The following DNAH17 variants were observed in gnomAD, a reference collection of about 807,000 sequenced individuals.
The protein encoded by DNAH17 is axonemal beta dynein heavy chain 17.
In DNAH17, 376 loss-of-function variants were observed where a neutral mutation model predicts 485.6. That is an observed-to-expected ratio of 0.77 (90% CI 0.71 to 0.84). DNAH17 has a LOEUF of 0.84. Among genes scored for constraint, DNAH17 ranks in the 40% least tolerant of loss-of-function variants. The probability of loss-of-function intolerance (pLI) is 0.00; values close to 1 mark genes in which losing one functional copy is unlikely to be tolerated. For synonymous variants in DNAH17, 3,031 were observed against 2,405.9 expected (o/e 1.26, Z -7.60); for missense variants, 6,370 against 5,839.3 (o/e 1.09, Z -2.96).
At chr17:78,549,535 C>G (rs966237811) in intron 16 of DNAH17, among the ~76,000 whole-genome samples, 2 of 152,218 alleles carry the variant, frequency 1.3e-5, no homozygotes, top group Non-Finnish European at 2.9e-5. Context: ...CCTTGGTGCC[C>G]AGAGACCCAA....
At chr17:78,521,026 G>C (rs958082587) in intron 25 of DNAH17, among the ~76,000 whole-genome samples, 2 of 152,150 alleles carry the variant, frequency 1.3e-5, no homozygotes, top group Non-Finnish European at 2.9e-5. Flanking sequence ...GGACAGACAC[G>C]AAGACCAATG....
chr17:78,505,549 T>C (rs1404932860), intron 30 of DNAH17, 104 bp from the exon 31 acceptor site: 2 of 1,415,472 alleles, frequency 1.4e-6, no homozygotes, highest in African/African-American at 2.8e-5. Context: ...CTTTTTGGAA[T>C]ATACTCCCCA....
chr17:78,516,257 T>A lies in DNAH17; in HGVS notation c.3865-1235A>T, dbSNP rs1317666289. The stretch of plus-strand genomic sequence containing the variant: ...GTTTTGGAGAGTTTTTCTTGAATTA[T>A]CCTGACTGCAAATGCTGTCATCTCC... On this transcript the variant is annotated intron_variant, in intron 25 of 80. Coordinates refer to ENST00000389840, the MANE Select transcript of DNAH17 (RefSeq NM_173628.4). Among the ~76,000 whole-genome samples the A allele has an allele frequency of 7.2e-5, 11 of 152,376 alleles. No individual in the cohort carries two copies. The East Asian group carries it at 2.1e-3, about 29-fold the overall frequency.
intron 18 of DNAH17, among the ~76,000 whole-genome samples, chr17:78,538,771 T>C (rs2091446060): frequency 6.6e-6 from 1 of 152,178 alleles, no homozygotes; most frequent in Non-Finnish European, 1.5e-5. Flanking sequence ...CTGTGACTGG[T>C]TACCAGCTGG....
At chr17:78,553,283 G>GTGTTTTTTTT (rs2091945217) in intron 14 of DNAH17, among the ~76,000 whole-genome samples, 2 of 51,018 alleles carry the variant, frequency 3.9e-5, no homozygotes, top group Admixed American at 2.7e-4. Context: ...AGGTTTTTGT[G>GTGTTTTTTTT]TTTTTTTTTT....
At chr17:78,524,249 T>C (rs1212605612) in intron 25 of DNAH17, among the ~76,000 whole-genome samples, 1 of 152,194 alleles carries the variant, frequency 6.6e-6, no homozygotes, top group African/African-American at 2.4e-5. Flanking sequence ...GCAATTCTTC[T>C]ACCTCAGCTT....
rs760905784 is a variant in DNAH17 at position 78,507,561 on chromosome 17, C to A, written c.4481G>T (p.Arg1494Leu). 2 of 1,613,930 alleles carry A rather than the reference C, an allele frequency of 1.2e-6. No homozygotes were observed. Among genetic ancestry groups the A allele is most frequent in the South Asian group, 1.1e-5 (1 of 91,088 alleles). ...GATGCTCTCCAGGTGGCTCCAGGTTCGCTGGACCTCAAACCAGATGGAGAT... is the reference window on the plus strand; with the variant it reads ...GATGCTCTCCAGGTGGCTCCAGGTTAGCTGGACCTCAAACCAGATGGAGAT... ...SVISIWFEVQ[R>L]TWSHLESIFI... The change falls in exon 28 of 81, where the codon CGA becomes CTA. Residue 1494 changes from arginine (R) to leucine (L), a missense_variant. Coordinates refer to ENST00000389840, the MANE Select transcript of DNAH17 (RefSeq NM_173628.4).
intron 20 of DNAH17, among the ~76,000 whole-genome samples, chr17:78,532,050 T>C (rs764716443): frequency 2.6e-5 from 4 of 152,220 alleles, no homozygotes; most frequent in Non-Finnish European, 5.9e-5. Flanking sequence ...CACAGGGTTT[T>C]ACCTTCTGGG....
chr17:78,545,054 G>A (rs56912012), intron 16 of DNAH17, among the ~76,000 whole-genome samples: 19,859 of 150,344 alleles, frequency 0.13, 2,049 homozygotes, highest in African/African-American at 0.28. Context: ...GGCTGCCTCT[G>A]TCACTCTTAT....
At chr17:78,504,357 G>A (rs574514886) in intron 31 of DNAH17, among the ~76,000 whole-genome samples, 2 of 152,064 alleles carry the variant, frequency 1.3e-5, no homozygotes, top group Admixed American at 1.3e-4. Context: ...GAGCTACCGC[G>A]CCCGGCCAGA....
In DNAH17 at chr17:78,539,790, C is replaced by A; in HGVS notation, c.2623G>T (p.Asp875Tyr). 6.2e-7 allele frequency: 1 copy of A among 1,611,920 alleles called. No individual in the cohort carries two copies. Among genetic ancestry groups the A allele is most frequent in the South Asian group, 1.1e-5 (1 of 90,840 alleles). The stretch of plus-strand genomic sequence containing the variant: ...CTCAGAGATTTGCGAATGAACTGGT[C>A]AAATTCATCTAAGACCATGTCGTCA... Reference protein sequence around the residue: ...YIDDMVLDEFDQFIRKSLSFL... With the variant: ...YIDDMVLDEFYQFIRKSLSFL... Residue 875 changes from aspartate (D) to tyrosine (Y), a missense_variant, in exon 18 of 81, where the codon GAC becomes TAC. By Grantham distance (160) the Asp-to-Tyr change is radical. Transcript: ENST00000389840.
chr17:78,484,767 G>GC (rs1179659038), intron 48 of DNAH17, 101 bp downstream of exon 48: 5 of 218,790 alleles, frequency 2.3e-5, no homozygotes, highest in East Asian at 2.4e-4. Flanking sequence ...CACCAGTCCT[G>GC]CCCTACTGCC....
chr17:78,562,121 C>CT, intron 11 of DNAH17, 141 bp from the exon 12 acceptor site: 1 of 1,055,694 alleles, frequency 9.5e-7, no homozygotes, highest in Non-Finnish European at 1.3e-6. Context: ...CCACTGGAAC[C>CT]TTTGTGTGTG....
intron 54 of DNAH17, among the ~76,000 whole-genome samples, chr17:78,469,753 A>G (rs1395280063): frequency 6.6e-6 from 1 of 152,244 alleles, no homozygotes; most frequent in African/African-American, 2.4e-5. Context: ...AAAGGGGAGG[A>G]AATTCTGACA....
At chr17:78,466,060 G>C (rs1271482758) in intron 56 of DNAH17, among the ~76,000 whole-genome samples, 1 of 152,202 alleles carries the variant, frequency 6.6e-6, no homozygotes, top group Non-Finnish European at 1.5e-5. Flanking sequence ...GTAGACATGG[G>C]AGACTTTTCA....
In DNAH17 at chr17:78,569,398, CGCA is replaced by C. The variant is rs778293155; in HGVS notation, c.1171_1173del (p.Cys391del). 10 of 1,613,028 alleles carry C rather than the reference CGCA, an allele frequency of 6.2e-6. No homozygotes were observed. Among genetic ancestry groups the C allele is most frequent in the Non-Finnish European group, 6.8e-6 (8 of 1,179,526 alleles). The stretch of plus-strand genomic sequence containing the variant: ...ACCTTAAAGAAAAGCTTCATGTTCA[CGCA>C]GCAGAAGTCGTACGTCTGGTAGAGC... On this transcript the variant is annotated inframe_deletion, in exon 8 of 81. Transcript: ENST00000389840.
At chr17:78,457,568 G>A (rs1397110763) in intron 62 of DNAH17, among the ~76,000 whole-genome samples, 4 of 151,504 alleles carry the variant, frequency 2.6e-5, no homozygotes, top group Non-Finnish European at 4.4e-5. Context: ...TTGTAGAGAT[G>A]GGGTGTCACT....
intron 54 of DNAH17, among the ~76,000 whole-genome samples, chr17:78,471,558 C>T (rs754658372): frequency 6.6e-6 from 1 of 152,176 alleles, no homozygotes; most frequent in African/African-American, 2.4e-5. Context: ...GATAGGGCCT[C>T]ACTCTGTCGC....
chr17:78,571,429 G>T, intron 4 of DNAH17, 51 bp from the exon 5 acceptor site: 1 of 1,531,092 alleles, frequency 6.5e-7, no homozygotes, highest in Non-Finnish European at 9.0e-7. Flanking sequence ...AGACCCTAAG[G>T]CGAGGCCAAC....
Sources: gnomAD v4.1 joint callset for allele counts (sites outside exome capture counted in the v4.1 genomes callset) on GRCh38, gnomAD v4.1.1 for gene constraint, MANE v1.5 for transcripts, NCBI Gene and HGNC (gene_info 2026-07-23, HGNC 2026-07-21) for gene names.